EI24: variants seen among roughly 807,000 people sequenced by gnomAD.
EI24 encodes the protein EI24 autophagy associated transmembrane protein.
A neutral mutation model predicts 48.6 loss-of-function variants in EI24; 21 were observed. The observed-to-expected ratio is 0.43, with a 90% CI of 0.31 to 0.62. The LOEUF is 0.62. Among genes scored for constraint, EI24 ranks in the 20% least tolerant of loss-of-function variants. The pLI is 0.10. For synonymous variants in EI24, 114 were observed against 145.5 expected, an observed-to-expected ratio of 0.78 and a Z score of 1.56; for missense variants, 280 against 410.5, an observed-to-expected ratio of 0.68 and a Z score of 2.75.
At chr11:125,572,637 G>C in intron 2 of EI24, 68 bp downstream of exon 2, 1 of 1,473,660 alleles carries the variant, frequency 6.8e-7, no homozygotes, top group Non-Finnish European at 9.4e-7. Flanking sequence ...GAACCATCTA[G>C]GAAATCCTTT....
chr11:125,577,032 G>C (rs1032680509), intron 4 of EI24, among the ~76,000 whole-genome samples: 4 of 152,104 alleles, frequency 2.6e-5, no homozygotes, highest in African/African-American at 7.2e-5. Flanking sequence ...TGGAGTGTTG[G>C]GAAATAGAAA....
rs553701433 is a variant in EI24, at chr11:125,583,897, G to A, written c.*214G>A. The A allele has an allele frequency of 6.5e-4, 390 of 596,038 alleles. 1 individual carries two copies. Among genetic ancestry groups the A allele is most frequent in the Non-Finnish European group, 9.2e-4 (314 of 342,188 alleles). 36.9% of individuals were successfully genotyped at this position (596,038 alleles called of 1,614,324 possible). ...GTGTGTGGATTTTTAACATCACCGT[G>A]AGTCTGAAAGGACCACAGGTTTTTC... On this transcript the variant is annotated 3_prime_UTR_variant, in exon 11 of 11. Coordinates refer to ENST00000278903, the MANE Select transcript of EI24 (RefSeq NM_004879.5).
intron 4 of EI24, 70 bp from the exon 5 acceptor site, chr11:125,577,434 A>T: frequency 7.0e-7 from 1 of 1,436,226 alleles, no homozygotes; most frequent in Non-Finnish European, 9.7e-7. Flanking sequence ...TAAAATCATT[A>T]CACTAAAAAT....
chr11:125,576,949 T>TA (rs1732341849), intron 4 of EI24, among the ~76,000 whole-genome samples: 1 of 152,222 alleles, frequency 6.6e-6, no homozygotes, highest in African/African-American at 2.4e-5. Flanking sequence ...GCCTGAATAC[T>TA]ACTTGAAATG....
chr11:125,571,024 G>C (rs528222135), intron 1 of EI24, among the ~76,000 whole-genome samples: 1 of 152,310 alleles, frequency 6.6e-6, no homozygotes, highest in Admixed American at 6.5e-5. Flanking sequence ...TATCTGTGTA[G>C]GATTTGACCT....
rs548962281 is a variant in EI24 at position 125,570,913 on chromosome 11, T to C, written c.-71+1340T>C. ...CCCTGAGAACATGTCTGTATGGCTG[T>C]ACCTACGCGACTGGAACTCTGAGGT... On this transcript the variant is annotated intron_variant, in intron 1 of 10. Coordinates refer to ENST00000278903, the MANE Select transcript of EI24 (RefSeq NM_004879.5). 3.3e-5 allele frequency among the ~76,000 whole-genome samples: 5 copies of C among 152,334 alleles called. No individual in the cohort carries two copies. The East Asian group carries it at 9.6e-4, about 29-fold the overall frequency.
At chr11:125,572,437 T>C in intron 1 of EI24, 21 bp from the exon 2 acceptor site, 3 of 1,218,736 alleles carry the variant, frequency 2.5e-6, no homozygotes, top group Non-Finnish European at 3.6e-6. Flanking sequence ...TTTGCCTCCA[T>C]TATGTTCCAT....
chr11:125,579,152 A>G, intron 7 of EI24, 84 bp downstream of exon 7: 4 of 1,345,396 alleles, frequency 3.0e-6, no homozygotes, highest in Non-Finnish European at 4.0e-6. Context: ...AAGACAGAGT[A>G]TTATATTTAT....
Position 125,583,377 on chromosome 11 carries a change from G to A in EI24, c.861-144G>A, listed in dbSNP as rs151227065. On this transcript the variant is annotated intron_variant, in intron 10 of 10. Transcript: ENST00000278903. ...TTCTTTAGTTGCCTGTTCCATCCAT[G>A]TATCTAATATCTGTATTTCCTTGAT... 2.5e-5 allele frequency: 17 copies of A among 692,506 alleles called. No individual in the cohort carries two copies. The Middle Eastern group carries it at 1.7e-3, about 68-fold the overall frequency. The allele number at this position is 692,506 out of a possible 1,614,324, so 42.9% of individuals were successfully genotyped here.
intron 7 of EI24, 96 bp downstream of exon 7, chr11:125,579,164 C>A: frequency 8.1e-7 from 1 of 1,240,646 alleles, no homozygotes; most frequent in Non-Finnish European, 1.1e-6. Flanking sequence ...TATATTTATA[C>A]AGAGTATTAT....
intron 7 of EI24, 79 bp from the exon 8 acceptor site, chr11:125,580,014 C>T: frequency 8.8e-7 from 1 of 1,135,676 alleles, no homozygotes; most frequent in Non-Finnish European, 1.3e-6. Flanking sequence ...CTATCTCAGA[C>T]AGTGATTGGA....
At chr11:125,571,285 T>C (rs567511937) in intron 1 of EI24, among the ~76,000 whole-genome samples, 49 of 152,340 alleles carry the variant, frequency 3.2e-4, no homozygotes, top group African/African-American at 1.2e-3. Flanking sequence ...GAGTGAGTGT[T>C]GAGAACTTTA....
At chr11:125,581,165 C>G in intron 8 of EI24, 46 bp from the exon 9 acceptor site, 1 of 1,348,456 alleles carries the variant, frequency 7.4e-7, no homozygotes, top group South Asian at 1.3e-5. Flanking sequence ...AGTCACTTGA[C>G]TAAAAGGAAA....
intron 2 of EI24, chr11:125,573,715 T>C (rs1249027447): frequency 7.9e-6 from 1 of 126,268 alleles, no homozygotes; most frequent in African/African-American, 3.3e-5. Context: ...AGAGTCTCAC[T>C]GTGTCGCCCA....
At chr11:125,581,537 CTTTTTT>C (rs33956827) in intron 9 of EI24, among the ~76,000 whole-genome samples, 7 of 50,750 alleles carry the variant, frequency 1.4e-4, no homozygotes, top group African/African-American at 8.4e-5. Flanking sequence ...AGCAATTATT[CTTTTTT>C]TTTTTTTTTT....
In EI24 at chr11:125,584,220, G is replaced by T. The variant is rs1359824139; in HGVS notation, c.*537G>T. On this transcript the variant is annotated 3_prime_UTR_variant, in exon 11 of 11. Transcript: ENST00000278903. ...CTCAGGTTAGGTTTTGGTCTCTCTTGCTCCACTGCAAAAAAAAAAAAAAAA... is the reference window on the plus strand; with the variant it reads ...CTCAGGTTAGGTTTTGGTCTCTCTTTCTCCACTGCAAAAAAAAAAAAAAAA... The T allele has an allele frequency of 2.0e-5, 2 of 101,380 alleles. No homozygotes were observed. Among genetic ancestry groups the T allele is most frequent in the African/African-American group, 8.3e-5 (2 of 24,224 alleles). 6.3% of individuals were successfully genotyped at this position (101,380 alleles called of 1,614,324 possible).
At chr11:125,572,719 C>T in intron 2 of EI24, 150 bp downstream of exon 2, 1 of 716,274 alleles carries the variant, frequency 1.4e-6, no homozygotes, top group Non-Finnish European at 2.3e-6. Flanking sequence ...CCACACTACT[C>T]AAGAAATAGG....
At chr11:125,569,595 C>G (rs555489942) in intron 1 of EI24, 22 bp downstream of exon 1, 2 of 367,862 alleles carry the variant, frequency 5.4e-6, no homozygotes, top group East Asian at 3.9e-5. Context: ...CTCAGCCGAG[C>G]TAGGCCTCGG....
chr11:125,572,607 CTT>C (rs369141998), intron 2 of EI24, 38 bp downstream of exon 2: 9,326 of 1,315,178 alleles, frequency 7.1e-3, no homozygotes, highest in Admixed American at 0.011. Context: ...ATCTCTCGGC[CTT>C]TTTTTTTTTT....
Sources: allele counts gnomAD v4.1 joint callset (sites outside exome capture counted in the v4.1 genomes callset), GRCh38; gene constraint gnomAD v4.1.1; transcripts MANE v1.5; gene names NCBI Gene and HGNC (gene_info 2026-07-23, HGNC 2026-07-21).